PRCP: variants seen among roughly 807,000 people sequenced by gnomAD.
The protein encoded by PRCP is lysosomal Pro-X carboxypeptidase.
PRCP carries 46 observed loss-of-function variants against 54.2 expected under a neutral mutation model. That is an observed-to-expected ratio of 0.85 (90% CI 0.67 to 1.09). The LOEUF is 1.09. Ranked by LOEUF, PRCP falls within the 50% of genes least tolerant of loss-of-function variation. The probability of loss-of-function intolerance (pLI) is 0.00; values close to 1 mark genes in which losing one functional copy is unlikely to be tolerated. For missense variants in PRCP, 613 were observed against 596.8 expected, an observed-to-expected ratio of 1.03 and a Z score of -0.28; for synonymous variants, 240 against 212.2, an observed-to-expected ratio of 1.13 and a Z score of -1.14.
rs1858606029 is a variant in PRCP, at chr11:82,839,386, A to G, written c.961T>C (p.Ser321Pro). ...QYLKNPNVSD[S>P]LLLQNIFQAL... ...TGGAAAATATTCTGCAGCAGCAGTG[A>G]ATCAGATACATTGGGATTTTTCAAA... is the stretch of plus-strand genomic sequence containing the variant. Residue 321 changes from serine (S) to proline (P), a missense_variant, in exon 7 of 9, where the codon TCA becomes CCA. Ser to Pro is a moderately conservative substitution (Grantham distance 74, BLOSUM62 -1). Transcript: ENST00000313010. 6.2e-6 allele frequency: 10 copies of G among 1,613,464 alleles called. No homozygotes were observed. In the East Asian group the frequency reaches 2.2e-4, roughly 36 times the overall value.
Position 82,848,997 on chromosome 11 carries a change from T to A in PRCP, c.921+52A>T, listed in dbSNP as rs77538619. ...GAGGCAGAAAGTCAGAGTATGCACA[T>A]TAAAAAAAAAGTGTGTTATTAAAAA... On this transcript the variant is annotated intron_variant, in intron 6 of 8. Transcript: ENST00000313010. 5.5e-4 allele frequency: 864 copies of A among 1,560,640 alleles called. 5 individuals are homozygous for A. In the African/African-American group the frequency reaches 0.01, roughly 19 times the overall value.
intron 1 of PRCP, among the ~76,000 whole-genome samples, chr11:82,885,868 C>G (rs1463417016): frequency 6.6e-6 from 1 of 152,174 alleles, no homozygotes; most frequent in African/African-American, 2.4e-5. Context: ...ATGGACTGAG[C>G]ACCAAGCTTC....
At chr11:82,883,050 T>C (rs999043930) in intron 1 of PRCP, among the ~76,000 whole-genome samples, 4 of 152,156 alleles carry the variant, frequency 2.6e-5, no homozygotes, top group African/African-American at 9.7e-5. Flanking sequence ...GAAGAATAAC[T>C]TCAGCTTGAG....
upstream of PRCP, chr11:82,900,716 T>G: frequency 1.9e-6 from 1 of 536,974 alleles, no homozygotes; most frequent in Non-Finnish European, 3.6e-6. Context: ...CTCATCGCTG[T>G]AGCCCATGCT....
chr11:82,870,775 G>A (rs772308484), intron 1 of PRCP, among the ~76,000 whole-genome samples: 1 of 152,148 alleles, frequency 6.6e-6, no homozygotes, highest in Non-Finnish European at 1.5e-5. Flanking sequence ...CCAGGAGCAG[G>A]AGCAGAGAAG....
At chr11:82,863,632 A>C (rs1859261906) in intron 1 of PRCP, among the ~76,000 whole-genome samples, 1 of 152,230 alleles carries the variant, frequency 6.6e-6, no homozygotes, top group Admixed American at 6.5e-5. Flanking sequence ...TCCCACAAAG[A>C]AAAACATTAA....
chr11:82,827,611 C>T (rs2121049080), intron 8 of PRCP: 1 of 152,298 alleles, frequency 6.6e-6, no homozygotes, highest in East Asian at 1.9e-4. Flanking sequence ...TTCTCTTCCA[C>T]TTGTCTATAT....
At chr11:82,829,249 G>C (rs1858319233) in intron 8 of PRCP, 1 of 152,124 alleles carries the variant, frequency 6.6e-6, no homozygotes, top group South Asian at 2.1e-4. Flanking sequence ...CTCATTCACA[G>C]TAAAAACCTA....
At chr11:82,878,621 A>G (rs893998082) in intron 1 of PRCP, among the ~76,000 whole-genome samples, 3 of 152,176 alleles carry the variant, frequency 2.0e-5, no homozygotes, top group African/African-American at 7.2e-5. Flanking sequence ...TAGTTGATGC[A>G]GTTTCTTCCT....
rs1185711504 is a variant in PRCP at position 82,885,869 on chromosome 11, A to G, written c.168+14366T>C. On this transcript the variant is annotated intron_variant, in intron 1 of 8. Coordinates refer to ENST00000313010, the MANE Select transcript of PRCP (RefSeq NM_005040.4). The stretch of plus-strand genomic sequence containing the variant: ...TGGATAATTTGCTCATGGACTGAGC[A>G]CCAAGCTTCAGGAGAGAAAGTTCTA... 2.0e-5 allele frequency among the ~76,000 whole-genome samples: 3 copies of G among 152,218 alleles called. No homozygotes were observed. In the East Asian group the frequency reaches 5.8e-4, roughly 29 times the overall value.
At chr11:82,859,435 C>T (rs555217601) in intron 2 of PRCP, among the ~76,000 whole-genome samples, 1 of 152,196 alleles carries the variant, frequency 6.6e-6, no homozygotes, top group East Asian at 1.9e-4. Context: ...AGACATATAT[C>T]ACCTTCTATA....
chr11:82,825,277 G>T, intron 8 of PRCP, 155 bp from the exon 9 acceptor site: 1 of 677,816 alleles, frequency 1.5e-6, no homozygotes, highest in Non-Finnish European at 2.4e-6. Context: ...CATATGGATA[G>T]ATACTTCATA....
At chr11:82,835,396 T>G (rs12272649) in intron 8 of PRCP, 1,861 of 154,622 alleles carry the variant, frequency 0.012, 40 homozygotes, top group African/African-American at 0.04. Flanking sequence ...TTATTTAAAA[T>G]AATCTGTAGA....
chr11:82,897,639 T>C (rs1297040522), intron 1 of PRCP, among the ~76,000 whole-genome samples: 1 of 152,208 alleles, frequency 6.6e-6, no homozygotes, highest in African/African-American at 2.4e-5. Flanking sequence ...TTGAGTCTGT[T>C]AGGTTGCTAA....
chr11:82,869,786 T>C (rs3793980), intron 1 of PRCP, among the ~76,000 whole-genome samples: 38,061 of 152,176 alleles, frequency 0.25, 5,188 homozygotes, highest in Admixed American at 0.31. Flanking sequence ...GGTTCATTTA[T>C]TGGGTGGGTC....
In PRCP at chr11:82,889,363, CAA is replaced by C. The variant is rs35397311; in HGVS notation, c.168+10870_168+10871del. On this transcript the variant is annotated intron_variant, in intron 1 of 8. Coordinates refer to ENST00000313010, the MANE Select transcript of PRCP (RefSeq NM_005040.4). ...TGGGTGACAGAGCAAGACTCTGTCTCAAAAAAAAAACCAACAAAATAAAAAAG... is the reference window on the plus strand; with the variant it reads ...TGGGTGACAGAGCAAGACTCTGTCTCAAAAAAAACCAACAAAATAAAAAAG... 4.2e-5 allele frequency among the ~76,000 whole-genome samples: 6 copies of C among 141,486 alleles called. No individual in the cohort carries two copies. The South Asian group carries it at 1.2e-3, about 27-fold the overall frequency. 92.8% of individuals were successfully genotyped at this position (141,486 alleles called of 152,430 possible). A position where few individuals can be genotyped will look rare whatever the true frequency, so the allele number is the denominator to read the frequency against.
chr11:82,850,731 T>C (rs377536158), intron 3 of PRCP, among the ~76,000 whole-genome samples: 2 of 152,244 alleles, frequency 1.3e-5, no homozygotes, highest in Middle Eastern at 3.2e-3. Context: ...TGCAAGTAGA[T>C]TGTAGAAACA....
intron 1 of PRCP, among the ~76,000 whole-genome samples, chr11:82,872,294 A>G (rs906434932): frequency 6.6e-6 from 1 of 152,186 alleles, no homozygotes; most frequent in Non-Finnish European, 1.5e-5. Flanking sequence ...ATTGAAAGTC[A>G]TGTAGGTATA....
At chr11:82,874,204 A>C (rs1440701407) in intron 1 of PRCP, among the ~76,000 whole-genome samples, 1 of 152,192 alleles carries the variant, frequency 6.6e-6, no homozygotes, top group African/African-American at 2.4e-5. Flanking sequence ...ACACCAGATA[A>C]TCAACAACTT....
Sources: gnomAD v4.1 joint callset for allele counts (sites outside exome capture counted in the v4.1 genomes callset) on GRCh38, gnomAD v4.1.1 for gene constraint, MANE v1.5 for transcripts, NCBI Gene and HGNC (gene_info 2026-07-23, HGNC 2026-07-21) for gene names.